The following SAMD12 variants were observed in gnomAD, a reference collection of about 807,000 sequenced individuals.
SAMD12 encodes sterile alpha motif domain containing 12.
A neutral mutation model predicts 15.0 loss-of-function variants in SAMD12; 9 were observed. That is an observed-to-expected ratio of 0.60 (90% CI 0.36 to 1.05). The LOEUF is 1.05. Among genes scored for constraint, SAMD12 ranks in the 50% least tolerant of loss-of-function variants. SAMD12 has a pLI of 0.01. For synonymous variants in SAMD12, 86 were observed against 90.1 expected (o/e 0.96, Z 0.25); for missense variants, 230 against 234.2 (o/e 0.98, Z 0.12).
At chr8:118,562,098 C>T (rs900155625) in intron 2 of SAMD12, among the ~76,000 whole-genome samples, 13 of 152,172 alleles carry the variant, frequency 8.5e-5, no homozygotes, top group African/African-American at 3.1e-4. Context: ...GCTTGACTGC[C>T]GTCTAATACC....
chr8:118,455,984 C>A (rs567454541), intron 2 of SAMD12, among the ~76,000 whole-genome samples: 2 of 152,198 alleles, frequency 1.3e-5, no homozygotes, highest in Non-Finnish European at 2.9e-5. Context: ...TCCACACTTT[C>A]CACCTACAGT....
At chr8:118,462,790 G>C (rs766310583) in intron 2 of SAMD12, among the ~76,000 whole-genome samples, 1 of 152,158 alleles carries the variant, frequency 6.6e-6, no homozygotes, top group African/African-American at 2.4e-5. Flanking sequence ...GGATAAAAAG[G>C]TTAGGTTCTA....
intron 3 of SAMD12, among the ~76,000 whole-genome samples, chr8:118,419,869 T>C (rs2514988): frequency 0.23 from 35,295 of 152,118 alleles, 4,412 homozygotes; most frequent in East Asian, 0.43. Context: ...ACTGCTCCCT[T>C]GGAAGGAATT....
At chr8:118,512,320 T>A (rs1297733103) in intron 2 of SAMD12, among the ~76,000 whole-genome samples, 1 of 152,206 alleles carries the variant, frequency 6.6e-6, no homozygotes, top group African/African-American at 2.4e-5. Flanking sequence ...ATGGGATTCA[T>A]GACATGGAGT....
chr8:118,189,385 G>C (rs966875743), downstream of SAMD12: 1 of 152,168 alleles, frequency 6.6e-6, no homozygotes, highest in African/African-American at 2.4e-5. Flanking sequence ...AAGCTGATGA[G>C]CTGAAGAAAA....
chr8:118,380,586 G>C (rs1365213488), intron 3 of SAMD12, among the ~76,000 whole-genome samples: 1 of 152,154 alleles, frequency 6.6e-6, no homozygotes, highest in Non-Finnish European at 1.5e-5. Flanking sequence ...AAAATAAAAA[G>C]AGTGATCATT....
At chr8:118,401,819 T>C (rs1158298869) in intron 3 of SAMD12, among the ~76,000 whole-genome samples, 4 of 152,194 alleles carry the variant, frequency 2.6e-5, no homozygotes, top group Non-Finnish European at 5.9e-5. Context: ...ATACTGGAGA[T>C]TGCTCAAATA....
chr8:118,613,927 A>G (rs1828168766), intron 1 of SAMD12, among the ~76,000 whole-genome samples: 1 of 152,208 alleles, frequency 6.6e-6, no homozygotes, highest in South Asian at 2.1e-4. Context: ...TAGTGAATAT[A>G]ATCATAACAT....
intron 2 of SAMD12, among the ~76,000 whole-genome samples, chr8:118,453,125 G>A (rs1823132958): frequency 6.6e-6 from 1 of 151,858 alleles, no homozygotes. Flanking sequence ...ATTGTTCCTT[G>A]CCTTCAAAGT....
At chr8:118,287,172 C>A (rs990802890) in intron 4 of SAMD12, among the ~76,000 whole-genome samples, 1 of 149,940 alleles carries the variant, frequency 6.7e-6, no homozygotes, top group Non-Finnish European at 1.5e-5. Context: ...TCGCCCAGGC[C>A]GGACTACAGT....
chr8:118,378,711 C>CA lies in SAMD12; in HGVS notation c.*705dup. 4 of 984,900 alleles carry CA rather than the reference C, an allele frequency of 4.1e-6. No homozygotes were observed. Among genetic ancestry groups the CA allele is most frequent in the African/African-American group, 3.5e-5 (2 of 57,310 alleles). 61.0% of individuals were successfully genotyped at this position (984,900 alleles called of 1,614,324 possible). ...TCATCCTTTCATTTAAAACGATGTA[C>CA]AATGGACGCTAAAATAAAACAAATA... On this transcript the variant is annotated 3_prime_UTR_variant, in exon 4 of 4. Transcript: ENST00000314727.
the SAMD12 span, among the ~76,000 whole-genome samples, chr8:118,178,925 G>T: frequency 6.6e-6 from 1 of 152,158 alleles, no homozygotes; most frequent in Non-Finnish European, 1.5e-5. Context: ...TCACCATCTG[G>T]CAAGTGTGGC....
chr8:118,384,895 A>G (rs2130731405), intron 3 of SAMD12, among the ~76,000 whole-genome samples: 1 of 152,262 alleles, frequency 6.6e-6, no homozygotes, highest in South Asian at 2.1e-4. Flanking sequence ...CTTACAACCC[A>G]GTTCTGTATT....
chr8:118,150,308 C>T, the SAMD12 span, among the ~76,000 whole-genome samples: 1 of 152,194 alleles, frequency 6.6e-6, no homozygotes. Context: ...TATACTTATT[C>T]TCCCTGCCCT....
chr8:118,211,602 T>C (rs1247319668), intron 4 of SAMD12, among the ~76,000 whole-genome samples: 1 of 152,232 alleles, frequency 6.6e-6, no homozygotes, highest in East Asian at 1.9e-4. Flanking sequence ...AAAATATTTC[T>C]TATTTTAAAT....
At chr8:118,439,721 T>C (rs925098987) in intron 3 of SAMD12, 111 bp downstream of exon 3, 11 of 1,041,720 alleles carry the variant, frequency 1.1e-5, no homozygotes, top group Admixed American at 3.9e-5. Context: ...AGTAAACCCA[T>C]GCCAGAAAAT....
intron 4 of SAMD12, among the ~76,000 whole-genome samples, chr8:118,329,673 T>C (rs924035120): frequency 6.6e-6 from 1 of 152,254 alleles, no homozygotes; most frequent in Non-Finnish European, 1.5e-5. Context: ...TTTGCCTGTT[T>C]GTGAAATTCA....
the SAMD12 span, among the ~76,000 whole-genome samples, chr8:118,145,141 A>G: frequency 7.9e-5 from 12 of 152,370 alleles, no homozygotes; most frequent in East Asian, 1.9e-3. Context: ...AAAATTTGCT[A>G]TTTTGATAGT....
At chr8:118,613,353 A>C (rs1487917327) in intron 1 of SAMD12, among the ~76,000 whole-genome samples, 1 of 152,242 alleles carries the variant, frequency 6.6e-6, no homozygotes, top group Non-Finnish European at 1.5e-5. Flanking sequence ...AGAGAAAGGG[A>C]GAAGTTTATC....
Sources: gnomAD v4.1 joint callset for allele counts (sites outside exome capture counted in the v4.1 genomes callset) on GRCh38, gnomAD v4.1.1 for gene constraint, MANE v1.5 for transcripts, NCBI Gene and HGNC (gene_info 2026-07-23, HGNC 2026-07-21) for gene names.